Variants in SEMA5A observed in about 807,000 individuals in gnomAD.
SEMA5A encodes semaphorin-5A.
A neutral mutation model predicts 135.5 loss-of-function variants in SEMA5A; 55 were observed. That is an observed-to-expected ratio of 0.41 (90% confidence interval 0.33 to 0.51). The LOEUF (loss-of-function observed/expected upper bound fraction) is 0.51, where lower values mean the gene tolerates loss of function less well. SEMA5A is among the 20% of genes least tolerant of loss of function. The pLI is 0.37. For synonymous variants in SEMA5A, 580 were observed against 546.5 expected, an observed-to-expected ratio of 1.06 and a Z score of -0.85; for missense variants, 1,290 against 1,419.9, an observed-to-expected ratio of 0.91 and a Z score of 1.47.
intron 16 of SEMA5A, among the ~76,000 whole-genome samples, chr5:9,070,378 C>A (rs1737710388): frequency 6.6e-6 from 1 of 152,046 alleles, no homozygotes; most frequent in Admixed American, 6.6e-5. Flanking sequence ...CTCAAAAAAA[C>A]AAACAAACAA....
intron 2 of SEMA5A, among the ~76,000 whole-genome samples, chr5:9,412,068 G>C (rs1322396054): frequency 6.6e-6 from 1 of 152,172 alleles, no homozygotes; most frequent in Non-Finnish European, 1.5e-5. Flanking sequence ...ACTAAGGCTA[G>C]TTAAGGGTAA....
chr5:9,408,169 A>C (rs1274517382), intron 2 of SEMA5A, among the ~76,000 whole-genome samples: 2 of 149,470 alleles, frequency 1.3e-5, no homozygotes, highest in African/African-American at 2.5e-5. Context: ...CCACCACCAC[A>C]ATCACCAACA....
At chr5:9,225,637 C>CA (rs2150419124) in intron 7 of SEMA5A, among the ~76,000 whole-genome samples, 2 of 151,790 alleles carry the variant, frequency 1.3e-5, no homozygotes, top group Middle Eastern at 3.4e-3. Flanking sequence ...TGAATAGCCC[C>CA]AAAAAATGTG....
intron 3 of SEMA5A, among the ~76,000 whole-genome samples, chr5:9,351,181 C>T (rs746218578): frequency 2.0e-5 from 3 of 152,066 alleles, no homozygotes; most frequent in Non-Finnish European, 4.4e-5. Context: ...TTAGCTTTTA[C>T]AAAGGGTAAA....
At chr5:9,397,989 T>C (rs1470553659) in intron 2 of SEMA5A, among the ~76,000 whole-genome samples, 1 of 152,156 alleles carries the variant, frequency 6.6e-6, no homozygotes, top group Non-Finnish European at 1.5e-5. Flanking sequence ...GGCATGTGAG[T>C]GGTGCTCTTC....
At chr5:9,225,015 T>G (rs1747215337) in intron 7 of SEMA5A, 128 bp from the exon 8 acceptor site, 2 of 760,378 alleles carry the variant, frequency 2.6e-6, no homozygotes, top group South Asian at 3.7e-5. Flanking sequence ...TGGGGCAAGA[T>G]GACCAACTTT....
chr5:9,447,300 A>G (rs1219637831), intron 1 of SEMA5A, among the ~76,000 whole-genome samples: 2 of 152,178 alleles, frequency 1.3e-5, no homozygotes, highest in Non-Finnish European at 2.9e-5. Context: ...ACTGTTTTAC[A>G]TGGTATACAA....
At chr5:9,337,581 C>T (rs1753448136) in intron 4 of SEMA5A, 132 bp downstream of exon 4, 4 of 604,380 alleles carry the variant, frequency 6.6e-6, no homozygotes, top group Non-Finnish European at 5.9e-6. Flanking sequence ...GACACTCATA[C>T]TGTATTTCAT....
chr5:9,215,932 C>A (rs1746596115), intron 8 of SEMA5A, among the ~76,000 whole-genome samples: 1 of 151,990 alleles, frequency 6.6e-6, no homozygotes, highest in Non-Finnish European at 1.5e-5. Context: ...TCTAGATGAG[C>A]ACTGTGGGGC....
At chr5:9,392,897 T>C (rs1338023102) in intron 2 of SEMA5A, among the ~76,000 whole-genome samples, 1 of 152,238 alleles carries the variant, frequency 6.6e-6, no homozygotes, top group Non-Finnish European at 1.5e-5. Flanking sequence ...GAGCAGTGCT[T>C]ACGGCAAGTT....
intron 16 of SEMA5A, among the ~76,000 whole-genome samples, chr5:9,106,619 C>A (rs1195666577): frequency 6.6e-6 from 1 of 152,186 alleles, no homozygotes; most frequent in Non-Finnish European, 1.5e-5. Context: ...CCTCAGGGGG[C>A]ACACATCATG....
At chr5:9,056,287 A>G (rs1271526794) in intron 18 of SEMA5A, among the ~76,000 whole-genome samples, 1 of 152,234 alleles carries the variant, frequency 6.6e-6, no homozygotes, top group African/African-American at 2.4e-5. Flanking sequence ...ATCACCTCAC[A>G]CCTGCCAAAA....
At chr5:9,375,359 G>A (rs960329378) in intron 3 of SEMA5A, among the ~76,000 whole-genome samples, 18 of 152,012 alleles carry the variant, frequency 1.2e-4, no homozygotes, top group Non-Finnish European at 1.9e-4. Flanking sequence ...CTTATAAAAA[G>A]AGAAGACAAA....
intron 5 of SEMA5A, among the ~76,000 whole-genome samples, chr5:9,254,087 C>T (rs1748938017): frequency 6.6e-6 from 1 of 152,108 alleles, no homozygotes; most frequent in African/African-American, 2.4e-5. Flanking sequence ...GAAAATGCCA[C>T]AAAACAGGAA....
At chr5:9,504,486 C>T (rs531431239) in intron 1 of SEMA5A, among the ~76,000 whole-genome samples, 1 of 152,138 alleles carries the variant, frequency 6.6e-6, no homozygotes, top group South Asian at 2.1e-4. Context: ...AACGTGGATT[C>T]ACATCAGGAG....
chr5:9,163,243 A>C (rs1743394221), intron 11 of SEMA5A, among the ~76,000 whole-genome samples: 1 of 151,444 alleles, frequency 6.6e-6, no homozygotes, highest in African/African-American at 2.4e-5. Context: ...ATGAAAAAAA[A>C]CCTTCTATTG....
rs546551801 is a variant in SEMA5A, at chr5:9,093,949, C to G, written c.2073+14191G>C. ...TTAACTTGGCCGAGTCCTGCCCACA[C>G]CTGTTGGTGCCCTTGACCCTCCACA... On this transcript the variant is annotated intron_variant, in intron 16 of 22. Transcript: ENST00000382496. Among the ~76,000 whole-genome samples the G allele has an allele frequency of 3.7e-4, 56 of 152,248 alleles. No homozygotes were observed. In the East Asian group the frequency reaches 0.01, roughly 28 times the overall value.
At chr5:9,420,080 T>G (rs1757414137) in intron 2 of SEMA5A, among the ~76,000 whole-genome samples, 2 of 152,094 alleles carry the variant, frequency 1.3e-5, no homozygotes, top group African/African-American at 2.4e-5. Flanking sequence ...ACTATTTCAT[T>G]TCTCCACTGG....
intron 8 of SEMA5A, among the ~76,000 whole-genome samples, chr5:9,202,536 A>T (rs1745774791): frequency 6.6e-6 from 1 of 152,214 alleles, no homozygotes; most frequent in African/African-American, 2.4e-5. Flanking sequence ...TTGGCAGCAA[A>T]TATTTGCAGT....
Sources: allele counts gnomAD v4.1 joint callset (sites outside exome capture counted in the v4.1 genomes callset), GRCh38; gene constraint gnomAD v4.1.1; transcripts MANE v1.5; gene names NCBI Gene and HGNC (gene_info 2026-07-23, HGNC 2026-07-21).